Variants in SCN8A observed in about 807,000 individuals in gnomAD.
The protein encoded by SCN8A is sodium voltage-gated channel alpha subunit 8.
A neutral mutation model predicts 184.1 loss-of-function variants in SCN8A; 30 were observed. The observed-to-expected ratio is 0.16, with a 90% CI of 0.12 to 0.22. The LOEUF is 0.22. Ranked by LOEUF, SCN8A falls within the 10% of genes least tolerant of loss-of-function variation. The probability of loss-of-function intolerance (pLI) is 1.00; values close to 1 mark genes in which losing one functional copy is unlikely to be tolerated. For missense variants in SCN8A, 1,057 were observed against 2,498.9 expected, an observed-to-expected ratio of 0.42 and a Z score of 12.30; for synonymous variants, 852 against 907.0, an observed-to-expected ratio of 0.94 and a Z score of 1.09.
intron 12 of SCN8A, among the ~76,000 whole-genome samples, chr12:51,744,505 G>T (rs541847699): frequency 1.3e-4 from 20 of 148,600 alleles, no homozygotes; most frequent in African/African-American, 4.0e-4. Context: ...AGGGAAATCG[G>T]TTTTTTTTTT....
At chr12:51,777,400 C>T (rs1287959492) in intron 20 of SCN8A, among the ~76,000 whole-genome samples, 1 of 152,182 alleles carries the variant, frequency 6.6e-6, no homozygotes, top group African/African-American at 2.4e-5. Context: ...GCTGGGACTA[C>T]AGACACGTGC....
intron 20 of SCN8A, 51 bp downstream of exon 20, chr12:51,774,413 CAG>C: frequency 1.3e-6 from 2 of 1,523,872 alleles, no homozygotes; most frequent in Non-Finnish European, 1.8e-6. Context: ...AACACAGAAA[CAG>C]GGGTCTCTCT....
At position 51,806,721 on chromosome 12, in the gene SCN8A, C is replaced by G; in HGVS notation, c.5235C>G (p.Phe1745Leu). 6.2e-7 allele frequency: 1 copy of G among 1,614,146 alleles called. No homozygotes were observed. Among genetic ancestry groups the G allele is most frequent in the Non-Finnish European group, 8.5e-7 (1 of 1,180,010 alleles). The change falls in exon 27 of 27, where the codon TTC becomes TTG. Residue 1745 changes from phenylalanine (F) to leucine (L), a missense_variant. Around this residue, in one of 19 missense-constraint regions of SCN8A, gnomAD observed 21 missense variants for 42.3 expected, o/e 0.50. Coordinates refer to ENST00000627620, the MANE Select transcript of SCN8A (RefSeq NM_001330260.2). This position sits in a 1 kb window ranked among gnomAD's most constrained non-coding sequence, Gnocchi z 8.7. ...DCGNPSVGIFFFVSYIIISFL... is the reference protein window; with the variant it reads ...DCGNPSVGIFLFVSYIIISFL... The stretch of plus-strand genomic sequence containing the variant: ...GGAACCCCTCAGTGGGCATCTTCTT[C>G]TTTGTAAGCTACATCATCATCTCTT...
At chr12:51,767,046 C>T (rs1942849191) in intron 16 of SCN8A, among the ~76,000 whole-genome samples, 1 of 152,112 alleles carries the variant, frequency 6.6e-6, no homozygotes, top group African/African-American at 2.4e-5. Flanking sequence ...GCCTCTGAAC[C>T]AGCTACAACT....
At chr12:51,791,113 C>G (rs759239030) in intron 25 of SCN8A, among the ~76,000 whole-genome samples, 20 of 152,134 alleles carry the variant, frequency 1.3e-4, no homozygotes, top group Non-Finnish European at 1.9e-4. Flanking sequence ...GCTCCTGATT[C>G]CATATATCCG....
chr12:51,645,561 C>T (rs1940564668), intron 1 of SCN8A, among the ~76,000 whole-genome samples: 1 of 152,096 alleles, frequency 6.6e-6, no homozygotes, highest in East Asian at 1.9e-4. Flanking sequence ...GTTGCCGTGT[C>T]TGTGTAGAAA....
At chr12:51,636,995 A>G (rs780735166) in intron 1 of SCN8A, among the ~76,000 whole-genome samples, 1 of 152,160 alleles carries the variant, frequency 6.6e-6, no homozygotes, top group Non-Finnish European at 1.5e-5. Context: ...CATTTTTTCC[A>G]GAAGCATATG....
chr12:51,633,050 G>A (rs181210201), intron 1 of SCN8A, among the ~76,000 whole-genome samples: 1 of 152,260 alleles, frequency 6.6e-6, no homozygotes, highest in East Asian at 1.9e-4. Context: ...GGTAATATAT[G>A]TGAAGTACTT....
intron 5 of SCN8A, chr12:51,688,694 C>T (rs1006922576): frequency 6.2e-6 from 7 of 1,123,280 alleles, no homozygotes; most frequent in Admixed American, 1.8e-5. Context: ...ACCCTTTCTT[C>T]CCCCCATTCT....
intron 1 of SCN8A, among the ~76,000 whole-genome samples, chr12:51,638,115 A>T (rs1314156613): frequency 1.3e-5 from 2 of 152,174 alleles, no homozygotes; most frequent in East Asian, 3.8e-4. Flanking sequence ...TTTTAAGCCC[A>T]CTGTTGAGAC....
intron 12 of SCN8A, among the ~76,000 whole-genome samples, chr12:51,742,960 CT>C (rs1284713014): frequency 6.6e-6 from 1 of 152,022 alleles, no homozygotes; most frequent in East Asian, 1.9e-4. Context: ...CTCATTAATT[CT>C]TTCTTCTGTC....
chr12:51,667,806 C>T (rs182294065), intron 2 of SCN8A, among the ~76,000 whole-genome samples: 33 of 151,906 alleles, frequency 2.2e-4, no homozygotes, highest in Non-Finnish European at 2.8e-4. Flanking sequence ...ATGGGTATAC[C>T]GTGTTACAAT....
intron 12 of SCN8A, among the ~76,000 whole-genome samples, chr12:51,730,421 G>A (rs1404257893): frequency 6.6e-6 from 1 of 152,144 alleles, no homozygotes; most frequent in Non-Finnish European, 1.5e-5. Flanking sequence ...TTTGTCTTGA[G>A]TATTGTAACT....
At chr12:51,773,047 G>A (rs973966968) in intron 19 of SCN8A, among the ~76,000 whole-genome samples, 6 of 152,030 alleles carry the variant, frequency 3.9e-5, no homozygotes, top group African/African-American at 7.2e-5. Context: ...AACCCGGGAG[G>A]TGGAGGTTGC....
rs375924250 is a variant in SCN8A, at chr12:51,662,107, T to C, written c.-54-657T>C. On this transcript the variant is annotated intron_variant, in intron 1 of 26. Transcript: ENST00000627620. ...TTGCTTTTTCTAGTTGCTAAGCAGG[T>C]GGCACTTAGAACAGTATCTGCCCTC... 9.8e-5 allele frequency among the ~76,000 whole-genome samples: 15 copies of C among 152,358 alleles called. No individual in the cohort carries two copies. In the South Asian group the frequency reaches 1.7e-3, roughly 17 times the overall value.
chr12:51,648,297 G>A (rs1298293967), intron 1 of SCN8A, among the ~76,000 whole-genome samples: 2 of 152,144 alleles, frequency 1.3e-5, no homozygotes, highest in East Asian at 3.8e-4. Context: ...CAAACTCCTG[G>A]CCTCAAGAAA....
chr12:51,780,565 CTTTTTTTTTTTTTTTTTTTTT>C lies in SCN8A; in HGVS notation c.3820-65_3820-45del, dbSNP rs528514747. 477 of 297,738 alleles carry C rather than the reference CTTTTTTTTTTTTTTTTTTTTT, an allele frequency of 1.6e-3. 4 individuals carry two copies. Among genetic ancestry groups the C allele is most frequent in the Admixed American group, 2.3e-3 (7 of 3,060 alleles). 18.4% of individuals were successfully genotyped at this position (297,738 alleles called of 1,614,324 possible). A position where few individuals can be genotyped will look rare whatever the true frequency, so the allele number is the denominator to read the frequency against. On this transcript the variant is annotated intron_variant, in intron 20 of 26. Coordinates refer to ENST00000627620, the MANE Select transcript of SCN8A (RefSeq NM_001330260.2). Reference sequence around the variant, plus strand: ...ACACTCTGGAACCTCTGTTTTCTTTCTTTTTTTTTTTTTTTTTTTTTTTTTTTTTTTTTTTTTTTGGTTACC... The same window carrying C: ...ACACTCTGGAACCTCTGTTTTCTTTCTTTTTTTTTTTTTTTTTTGGTTACC...
At chr12:51,727,546 G>A (rs917869945) in intron 12 of SCN8A, among the ~76,000 whole-genome samples, 1 of 152,132 alleles carries the variant, frequency 6.6e-6, no homozygotes, top group Non-Finnish European at 1.5e-5. Flanking sequence ...GTGCAGCTGA[G>A]CCTGTAACAA....
chr12:51,762,454 T>G, intron 14 of SCN8A, 49 bp from the exon 15 acceptor site: 68 of 1,500,604 alleles, frequency 4.5e-5, no homozygotes, highest in Non-Finnish European at 6.0e-5. Context: ...GATAAAGGCA[T>G]TCTCTTTCTA....
Sources: gnomAD v4.1 joint callset for allele counts (sites outside exome capture counted in the v4.1 genomes callset) on GRCh38, gnomAD v4.1.1 for gene constraint, gnomAD v4.1.1 regional missense constraint, Gnocchi (gnomAD v3.1) non-coding constraint, MANE v1.5 for transcripts, NCBI Gene and HGNC (gene_info 2026-07-23, HGNC 2026-07-21) for gene names.